Variants in GNB1L observed in about 807,000 individuals in gnomAD.
GNB1L encodes guanine nucleotide-binding protein subunit beta-like protein 1.
GNB1L carries 20 observed loss-of-function variants against 29.1 expected under a neutral mutation model. The ratio of observed to expected loss-of-function variants is 0.69; its 90% confidence interval spans 0.48 to 1.00. GNB1L has a LOEUF of 1.00. Ranked by LOEUF, GNB1L falls within the 50% of genes least tolerant of loss-of-function variation. The probability of loss-of-function intolerance (pLI) is 0.00; values close to 1 mark genes in which losing one functional copy is unlikely to be tolerated. For synonymous variants in GNB1L, 193 were observed against 206.5 expected (o/e 0.93, Z 0.56); for missense variants, 421 against 464.9 (o/e 0.91, Z 0.87).
intron 2 of GNB1L, among the ~76,000 whole-genome samples, chr22:19,840,888 C>T (rs60822562): frequency 2.0e-5 from 3 of 152,062 alleles, no homozygotes; most frequent in Non-Finnish European, 4.4e-5. Context: ...TTCCCAAAAC[C>T]CTTAAGCTCA....
chr22:19,829,574 T>C (rs1057498920), intron 2 of GNB1L, among the ~76,000 whole-genome samples: 1 of 152,166 alleles, frequency 6.6e-6, no homozygotes, highest in Non-Finnish European at 1.5e-5. Flanking sequence ...CCAATACCAG[T>C]TATGACTATC....
chr22:19,837,916 G>A (rs1429190109), intron 2 of GNB1L, among the ~76,000 whole-genome samples: 1 of 152,206 alleles, frequency 6.6e-6, no homozygotes, highest in Admixed American at 6.5e-5. Context: ...GATACAAACT[G>A]ACCTACAGTG....
chr22:19,789,147 C>T (rs529027192), intron 7 of GNB1L, among the ~76,000 whole-genome samples, 187 bp from the exon 8 acceptor site: 10 of 152,312 alleles, frequency 6.6e-5, no homozygotes, highest in African/African-American at 2.4e-4. Flanking sequence ...TCCAGCCCTC[C>T]CCTCAGAGTG....
At chr22:19,838,405 A>T (rs977201645) in intron 2 of GNB1L, among the ~76,000 whole-genome samples, 3 of 152,208 alleles carry the variant, frequency 2.0e-5, no homozygotes, top group Admixed American at 6.5e-5. Flanking sequence ...TGTTGGTGAA[A>T]TGCAAAATGG....
intron 2 of GNB1L, chr22:19,848,287 TCC>T (rs1938013455): frequency 2.0e-6 from 2 of 985,302 alleles, no homozygotes; most frequent in African/African-American, 1.7e-5. Context: ...CCATGGCCCG[TCC>T]CTGAGCATGT....
chr22:19,815,600 T>C (rs1937521070), intron 4 of GNB1L, among the ~76,000 whole-genome samples: 1 of 152,092 alleles, frequency 6.6e-6, no homozygotes, highest in South Asian at 2.1e-4. Flanking sequence ...TTTTTTTCTT[T>C]GAGACAATAT....
intron 2 of GNB1L, among the ~76,000 whole-genome samples, chr22:19,826,849 C>T (rs546230635): frequency 6.6e-6 from 1 of 152,246 alleles, no homozygotes; most frequent in African/African-American, 2.4e-5. Flanking sequence ...AATGCTCAAC[C>T]TCAATCCAGC....
At chr22:19,842,994 C>T (rs1291297743) in intron 2 of GNB1L, among the ~76,000 whole-genome samples, 1 of 152,220 alleles carries the variant, frequency 6.6e-6, no homozygotes, top group African/African-American at 2.4e-5. Flanking sequence ...CTCCGTTTGG[C>T]GATTCGGAGT....
intron 6 of GNB1L, among the ~76,000 whole-genome samples, chr22:19,805,654 C>T (rs555632072): frequency 5.3e-5 from 8 of 152,098 alleles, no homozygotes; most frequent in African/African-American, 9.7e-5. Context: ...TGGTGGCGGG[C>T]GCCTGTAGTC....
At chr22:19,796,972 T>C (rs59279356) in intron 7 of GNB1L, among the ~76,000 whole-genome samples, 17,467 of 152,084 alleles carry the variant, frequency 0.11, 1,590 homozygotes, top group East Asian at 0.46. Flanking sequence ...TAAACAATCA[T>C]CACAAGCAGT....
rs374519940 is a variant in GNB1L at position 19,803,410 on chromosome 22, C to T, written c.517-1194G>A. ...CCCAGGCCTCATCCCAAGTCATGCCCCGCTGCCAGAGTCCACATTGTCCCT... is the reference window on the plus strand; with the variant it reads ...CCCAGGCCTCATCCCAAGTCATGCCTCGCTGCCAGAGTCCACATTGTCCCT... On this transcript the variant is annotated intron_variant, in intron 6 of 7. Transcript: ENST00000329517. Among the ~76,000 whole-genome samples, 49 of 152,312 alleles carry T rather than the reference C, an allele frequency of 3.2e-4. No individual in the cohort carries two copies. The South Asian group carries it at 9.3e-3, about 29-fold the overall frequency.
chr22:19,789,547 A>G (rs1297929526), intron 7 of GNB1L, among the ~76,000 whole-genome samples: 1 of 151,698 alleles, frequency 6.6e-6, no homozygotes, highest in African/African-American at 2.4e-5. Flanking sequence ...AGGCGGCAGG[A>G]GCCACACAGT....
Position 19,840,598 on chromosome 22 carries a change from T to C in GNB1L, c.-21+13845A>G, listed in dbSNP as rs903955824. Among the ~76,000 whole-genome samples the C allele has an allele frequency of 4.0e-5, 6 of 151,800 alleles. 1 individual carries two copies. The highest frequency in any genetic ancestry group is 1.2e-4 in the African/African-American group (5 of 41,312). On this transcript the variant is annotated intron_variant, in intron 2 of 7. Coordinates refer to ENST00000329517, the MANE Select transcript of GNB1L (RefSeq NM_053004.3). ...GTCGAGGCGGGTGGATCACTTGAGG[T>C]CAGGAGTTCGAGGCCAGCCTGGCCA...
In GNB1L at chr22:19,788,869, T is replaced by C. The variant is rs1346749035; in HGVS notation, c.824A>G (p.His275Arg). 1 of 1,612,798 alleles carries C rather than the reference T, an allele frequency of 6.2e-7. No individual in the cohort carries two copies. Among genetic ancestry groups the C allele is most frequent in the East Asian group, 2.2e-5 (1 of 44,892 alleles). The stretch of plus-strand genomic sequence containing the variant: ...CCGCCAGTGGAACACGCGGATGCGG[T>C]GGTCCCAGCCTGCGGTGGCCAGGAT... ...RKILATAGWDHRIRVFHWRTM... is the reference protein window; with the variant it reads ...RKILATAGWDRRIRVFHWRTM... Residue 275 changes from histidine (H) to arginine (R), a missense_variant, in exon 8 of 8, where the codon CAC (histidine) becomes CGC (arginine). Coordinates refer to ENST00000329517, the MANE Select transcript of GNB1L (RefSeq NM_053004.3).
intron 4 of GNB1L, among the ~76,000 whole-genome samples, chr22:19,818,405 C>G (rs1438703935): frequency 6.6e-6 from 1 of 152,228 alleles, no homozygotes; most frequent in East Asian, 1.9e-4. Context: ...CAATCAAAGA[C>G]CAAACCCACT....
At position 19,788,028 on chromosome 22, in the gene GNB1L, C is replaced by G. The variant is rs1937206714; in HGVS notation, c.*681G>C. 1.3e-5 allele frequency: 2 copies of G among 156,996 alleles called. No individual in the cohort carries two copies. Among genetic ancestry groups the G allele is most frequent in the South Asian group, 3.9e-4 (2 of 5,162 alleles). 9.7% of individuals were successfully genotyped at this position (156,996 alleles called of 1,614,324 possible). A position where few individuals can be genotyped will look rare whatever the true frequency, so the allele number is the denominator to read the frequency against. On this transcript the variant is annotated 3_prime_UTR_variant, in exon 8 of 8. Coordinates refer to ENST00000329517, the MANE Select transcript of GNB1L (RefSeq NM_053004.3). Reference sequence around the variant, plus strand: ...CACCCTGTGCGCCTTCCCCACTGCACCCTCTGCGGGCAGGCGTGCCCTCCC... The same window carrying G: ...CACCCTGTGCGCCTTCCCCACTGCAGCCTCTGCGGGCAGGCGTGCCCTCCC...
At chr22:19,852,077 A>G (rs763858560) in intron 2 of GNB1L, 14 of 1,614,068 alleles carry the variant, frequency 8.7e-6, no homozygotes, top group Admixed American at 1.7e-5. Context: ...CTTCTGCTCC[A>G]TGGTCGTTCG....
chr22:19,802,655 C>T (rs1480247020), intron 6 of GNB1L, among the ~76,000 whole-genome samples: 1 of 152,246 alleles, frequency 6.6e-6, no homozygotes, highest in Non-Finnish European at 1.5e-5. Context: ...TTTCCCCAGG[C>T]CTAAGATGTG....
intron 7 of GNB1L, among the ~76,000 whole-genome samples, chr22:19,799,953 G>A (rs547349116): frequency 6.7e-4 from 102 of 152,284 alleles, no homozygotes; most frequent in African/African-American, 2.2e-3. Flanking sequence ...TCCTGGAGTC[G>A]CCTGTCCCCT....
Sources: allele counts gnomAD v4.1 joint callset (sites outside exome capture counted in the v4.1 genomes callset), GRCh38; gene constraint gnomAD v4.1.1; transcripts MANE v1.5; gene names NCBI Gene and HGNC (gene_info 2026-07-23, HGNC 2026-07-21).